Variants in FSTL4 observed in about 807,000 individuals in gnomAD.
The protein encoded by FSTL4 is follistatin-related protein 4.
Under a neutral mutation model 78.2 loss-of-function variants are expected in FSTL4, and 28 were observed. That is an observed-to-expected ratio of 0.36 (90% CI 0.27 to 0.49). The LOEUF (loss-of-function observed/expected upper bound fraction) is 0.49, where lower values mean the gene tolerates loss of function less well. FSTL4 is among the 20% of genes least tolerant of loss of function. FSTL4 has a pLI of 0.98. For synonymous variants in FSTL4, 422 were observed against 440.5 expected (o/e 0.96, Z 0.53); for missense variants, 922 against 1,084.9 (o/e 0.85, Z 2.11).
At chr5:133,450,783 C>T (rs1489768620) in intron 3 of FSTL4, among the ~76,000 whole-genome samples, 3 of 152,162 alleles carry the variant, frequency 2.0e-5, no homozygotes, top group Admixed American at 6.5e-5. Flanking sequence ...CAGAGTCTAC[C>T]GGCACCTTTT....
chr5:133,470,508 G>A (rs1037637778), intron 3 of FSTL4, among the ~76,000 whole-genome samples: 8 of 152,140 alleles, frequency 5.3e-5, no homozygotes, highest in Non-Finnish European at 7.3e-5. Context: ...ATTTTGGGAC[G>A]CTGAGGCAGG....
chr5:133,540,736 A>AAAAAAAAAG (rs1191783031), intron 3 of FSTL4, among the ~76,000 whole-genome samples: 4 of 150,962 alleles, frequency 2.6e-5, no homozygotes, highest in African/African-American at 9.8e-5. Flanking sequence ...AAAAAAAAAA[A>AAAAAAAAAG]AAAGAAAGAA....
intron 14 of FSTL4, among the ~76,000 whole-genome samples, chr5:133,205,656 C>T (rs1260317353): frequency 6.6e-6 from 1 of 152,162 alleles, no homozygotes; most frequent in Non-Finnish European, 1.5e-5. Flanking sequence ...GTCAGCTTTT[C>T]CCAAACAAAA....
chr5:133,676,464 T>A, the FSTL4 span, among the ~76,000 whole-genome samples: 2 of 152,250 alleles, frequency 1.3e-5, no homozygotes, highest in Non-Finnish European at 2.9e-5. Context: ...TCTTTCAAAA[T>A]TTCAGTTCTC....
In FSTL4 at chr5:133,249,433, A is replaced by G. The variant is rs184350434; in HGVS notation, c.871T>C (p.Phe291Leu). Reference protein sequence around the residue: ...IWKRNGLTLNFLDLEDINDFG... With the variant: ...IWKRNGLTLNLLDLEDINDFG... The stretch of plus-strand genomic sequence containing the variant: ...ACATTGATGTCTTCCAAGTCCAGGA[A>G]GTTCAGGGTGAGCCCGTTGCGCTTC... Residue 291 changes from phenylalanine to leucine, a missense_variant, in exon 7 of 16, where the codon TTC (phenylalanine) becomes CTC (leucine). Phe to Leu is a conservative substitution (Grantham distance 22). Transcript: ENST00000265342. The G allele has an allele frequency of 6.2e-7, 1 of 1,614,062 alleles. No individual in the cohort carries two copies. The highest frequency in any genetic ancestry group is 8.5e-7 in the Non-Finnish European group (1 of 1,179,968).
At chr5:133,557,939 GA>G (rs751669232) in intron 3 of FSTL4, among the ~76,000 whole-genome samples, 17 of 152,152 alleles carry the variant, frequency 1.1e-4, no homozygotes, top group African/African-American at 1.9e-4. Flanking sequence ...CCATGCTTTG[GA>G]AAAAAGATCC....
the FSTL4 span, among the ~76,000 whole-genome samples, chr5:133,829,985 C>A: frequency 1.3e-5 from 2 of 152,114 alleles, no homozygotes; most frequent in African/African-American, 4.8e-5. Flanking sequence ...GGGATGGAAT[C>A]CCCCCGGTGA....
the FSTL4 span, among the ~76,000 whole-genome samples, chr5:133,789,212 C>A: frequency 9.8e-3 from 1,491 of 152,262 alleles, 25 homozygotes; most frequent in African/African-American, 0.035. Flanking sequence ...GCCATGTTAC[C>A]AATTCATTCA....
At chr5:133,536,758 C>A (rs1759358051) in intron 3 of FSTL4, among the ~76,000 whole-genome samples, 1 of 152,090 alleles carries the variant, frequency 6.6e-6, no homozygotes, top group Non-Finnish European at 1.5e-5. Flanking sequence ...CATTTTCACT[C>A]TGGGTATAGT....
At chr5:133,760,233 T>TG in the FSTL4 span, among the ~76,000 whole-genome samples, 1 of 152,274 alleles carries the variant, frequency 6.6e-6, no homozygotes, top group African/African-American at 2.4e-5. Context: ...GAGTGGTGAA[T>TG]GGAAGCCACA....
chr5:133,475,634 A>G (rs959010054), intron 3 of FSTL4, among the ~76,000 whole-genome samples: 23 of 152,248 alleles, frequency 1.5e-4, no homozygotes, highest in Non-Finnish European at 3.1e-4. Context: ...GTGGCTTTGT[A>G]GACATGGCAG....
At chr5:133,203,417 C>G (rs1750391255) in intron 14 of FSTL4, among the ~76,000 whole-genome samples, 1 of 152,192 alleles carries the variant, frequency 6.6e-6, no homozygotes, top group Non-Finnish European at 1.5e-5. Context: ...ACAAAACAAA[C>G]AGCACCTGGC....
In FSTL4 at chr5:133,589,276, T is replaced by TA. The variant is rs1760569232; in HGVS notation, c.126+14581dup. Among the ~76,000 whole-genome samples the TA allele has an allele frequency of 8.6e-5, 7 of 81,170 alleles. 2 individuals are homozygous for TA. In the South Asian group the frequency reaches 3.7e-3, roughly 43 times the overall value. The allele number at this position is 81,170 out of a possible 152,430, so 53.3% of individuals were successfully genotyped here. A position where few individuals can be genotyped will look rare whatever the true frequency, so the allele number is the denominator to read the frequency against. On this transcript the variant is annotated intron_variant, in intron 2 of 15. Coordinates refer to ENST00000265342, the MANE Select transcript of FSTL4 (RefSeq NM_015082.2). ...CAATGTGCACATGTACCCTAAAACT[T>TA]AGAGTATAATAAAAAAAAAAAAAAA...
At chr5:133,781,394 T>TGTGTGTGTGTGTGTGGC in the FSTL4 span, among the ~76,000 whole-genome samples, 1 of 149,562 alleles carries the variant, frequency 6.7e-6, no homozygotes, top group Non-Finnish European at 1.5e-5. Flanking sequence ...TGTGTGTGTG[T>TGTGTGTGTGTGTGTGGC]GTGTGTGTGT....
intron 3 of FSTL4, among the ~76,000 whole-genome samples, chr5:133,429,170 G>C (rs1411161638): frequency 6.6e-6 from 1 of 152,168 alleles, no homozygotes; most frequent in African/African-American, 2.4e-5. Flanking sequence ...GCTCACATCA[G>C]CAGAAATCTG....
At chr5:133,541,240 G>A (rs527758397) in intron 3 of FSTL4, among the ~76,000 whole-genome samples, 1 of 152,340 alleles carries the variant, frequency 6.6e-6, no homozygotes, top group East Asian at 1.9e-4. Flanking sequence ...CAGCTCAGAA[G>A]CCTCTCACAC....
the FSTL4 span, among the ~76,000 whole-genome samples, chr5:133,722,793 G>A: frequency 6.6e-6 from 1 of 152,166 alleles, no homozygotes; most frequent in African/African-American, 2.4e-5. Flanking sequence ...GCTTTTGGTT[G>A]AGCAGGCTCT....
chr5:133,297,777 A>G (rs1375963330), intron 6 of FSTL4, among the ~76,000 whole-genome samples: 1 of 152,192 alleles, frequency 6.6e-6, no homozygotes, highest in South Asian at 2.1e-4. Context: ...CTGAGGCCTC[A>G]CTGTAGTCCC....
intron 2 of FSTL4, among the ~76,000 whole-genome samples, chr5:133,583,046 G>T (rs1203640865): frequency 6.6e-6 from 1 of 152,180 alleles, no homozygotes; most frequent in Non-Finnish European, 1.5e-5. Context: ...CCTCTAAGGA[G>T]GAGGCTGTCC....
Sources: allele counts gnomAD v4.1 joint callset (sites outside exome capture counted in the v4.1 genomes callset), GRCh38; gene constraint gnomAD v4.1.1; transcripts MANE v1.5; gene names NCBI Gene and HGNC (gene_info 2026-07-23, HGNC 2026-07-21).